The following MGRN1 variants were observed in gnomAD, a reference collection of about 807,000 sequenced individuals.
MGRN1 encodes the protein E3 ubiquitin-protein ligase MGRN1.
Under a neutral mutation model 69.2 loss-of-function variants are expected in MGRN1, and 29 were observed. The ratio of observed to expected loss-of-function variants is 0.42; its 90% CI spans 0.31 to 0.57. The LOEUF (loss-of-function observed/expected upper bound fraction) is 0.57. Ranked by LOEUF, MGRN1 falls within the 20% of genes least tolerant of loss-of-function variation. MGRN1 has a pLI of 0.15. For synonymous variants in MGRN1, 470 were observed against 344.2 expected (o/e 1.37, Z -4.04); for missense variants, 998 against 796.2 (o/e 1.25, Z -3.05).
chr16:4,668,118 C>T, intron 7 of MGRN1, 147 bp from the exon 8 acceptor site: 1 of 639,234 alleles, frequency 1.6e-6, no homozygotes, highest in East Asian at 2.8e-5. Context: ...GTCAAGTGGC[C>T]CCACCCTTTT....
intron 5 of MGRN1, among the ~76,000 whole-genome samples, chr16:4,661,197 T>G (rs369308737): frequency 5.9e-5 from 9 of 151,870 alleles, no homozygotes; most frequent in African/African-American, 2.2e-4. Flanking sequence ...TAGGCTGGTC[T>G]CAAACTCCCG....
intron 12 of MGRN1, 161 bp downstream of exon 12, chr16:4,680,258 G>A (rs1376119807): frequency 2.8e-6 from 2 of 708,282 alleles, no homozygotes; most frequent in East Asian, 6.0e-5. Context: ...GGAGTTTGTG[G>A]AACCGGAAAA....
chr16:4,629,150 A>ATGTGTGTGTGTGTGTGTGTGTG (rs377682804), intron 1 of MGRN1, among the ~76,000 whole-genome samples: 1 of 127,600 alleles, frequency 7.8e-6, no homozygotes, highest in Non-Finnish European at 1.7e-5. Flanking sequence ...TTCTGTTCGT[A>ATGTGTGTGTGTGTGTGTGTGTG]TGTGTGTGTG....
At chr16:4,672,477 G>T (rs2078960595) in intron 9 of MGRN1, 1 of 456,736 alleles carries the variant, frequency 2.2e-6, no homozygotes, top group Non-Finnish European at 4.4e-6. Flanking sequence ...CACGTGGCGG[G>T]AGCGGAGCAC....
intron 16 of MGRN1, chr16:4,687,015 C>CCGCTCCCT (rs1567245663): frequency 1.0e-6 from 1 of 985,564 alleles, no homozygotes; most frequent in African/African-American, 1.7e-5. Flanking sequence ...ACCTGCTCCC[C>CCGCTCCCT]CGCTCCCTCC....
chr16:4,653,028 G>A (rs2078444270), intron 4 of MGRN1, among the ~76,000 whole-genome samples: 1 of 152,212 alleles, frequency 6.6e-6, no homozygotes, highest in African/African-American at 2.4e-5. Context: ...TCCTTTGACT[G>A]GTTTCAGTTC....
At chr16:4,675,541 C>G (rs1481408459) in intron 10 of MGRN1, among the ~76,000 whole-genome samples, 1 of 152,118 alleles carries the variant, frequency 6.6e-6, no homozygotes, top group Non-Finnish European at 1.5e-5. Flanking sequence ...GAGTTCGAGA[C>G]TAGCCTGGGC....
intron 1 of MGRN1, chr16:4,640,085 A>T (rs759103283): frequency 6.6e-6 from 1 of 152,330 alleles, no homozygotes; most frequent in East Asian, 1.9e-4. Context: ...GGCTTGTTTC[A>T]GTGATTCGGA....
chr16:4,677,391 C>A, intron 10 of MGRN1, 72 bp from the exon 11 acceptor site: 3 of 1,260,768 alleles, frequency 2.4e-6, no homozygotes, highest in Non-Finnish European at 3.2e-6. Context: ...GTGTTGATCC[C>A]TGGGGCTGGG....
chr16:4,641,956 G>C (rs1390367449), intron 1 of MGRN1, among the ~76,000 whole-genome samples: 1 of 151,806 alleles, frequency 6.6e-6, no homozygotes, highest in African/African-American at 2.4e-5. Flanking sequence ...CGGCTGGCCT[G>C]GATTCTCTGT....
chr16:4,663,534 T>C (rs982069771), intron 5 of MGRN1, among the ~76,000 whole-genome samples: 3 of 152,192 alleles, frequency 2.0e-5, no homozygotes, highest in Non-Finnish European at 4.4e-5. Flanking sequence ...ATGATTCTTT[T>C]TCTTCCCAGA....
chr16:4,650,624 G>C (rs117890317), intron 2 of MGRN1, 141 bp downstream of exon 2: 18 of 662,728 alleles, frequency 2.7e-5, no homozygotes, highest in Non-Finnish European at 4.3e-5. Context: ...TTCCAGTTGA[G>C]CTTGGGTGTG....
rs1439527342 is a variant in MGRN1, at chr16:4,689,239, T to C, written c.*331T>C. On this transcript the variant is annotated 3_prime_UTR_variant, in exon 17 of 17. Transcript: ENST00000262370. ...GGCCTCCGCTGGCTCTGCCTGCTCC[T>C]GCAACAGTGCGGTCCCTGCCCGGAG... is the stretch of plus-strand genomic sequence containing the variant. 5 of 276,568 alleles carry C rather than the reference T, an allele frequency of 1.8e-5. No homozygotes were observed. The highest frequency in any genetic ancestry group is 6.5e-5 in the African/African-American group (3 of 45,908). 17.1% of individuals were successfully genotyped at this position (276,568 alleles called of 1,614,324 possible). A position where few individuals can be genotyped will look rare whatever the true frequency, so the allele number is the denominator to read the frequency against.
At chr16:4,626,818 C>T (rs966711279) in intron 1 of MGRN1, among the ~76,000 whole-genome samples, 1 of 152,340 alleles carries the variant, frequency 6.6e-6, no homozygotes, top group Non-Finnish European at 1.5e-5. Context: ...ACACTCGCGT[C>T]AGCCACTATT....
intron 10 of MGRN1, 69 bp downstream of exon 10, chr16:4,673,726 C>G: frequency 6.4e-7 from 1 of 1,566,224 alleles, no homozygotes. Flanking sequence ...CACGGTGGTC[C>G]TGGGATAGGG....
In MGRN1 at chr16:4,673,530, C is replaced by T. The variant is rs751862904; in HGVS notation, c.828C>T (p.Asn276=). ...ACGACGAGAACAGCGACAACAGCAACGAGTGTGTGGTGTGCCTGTCCGACC... is the reference window on the plus strand; with the variant it reads ...ACGACGAGAACAGCGACAACAGCAATGAGTGTGTGGTGTGCCTGTCCGACC... ...PSDDENSDNS[N]ECVVCLSDLR... Residue 276 remains asparagine, a synonymous_variant, in exon 10 of 17, where the codon AAC becomes AAT. Coordinates refer to ENST00000262370, the MANE Select transcript of MGRN1 (RefSeq NM_015246.4). 44 of 1,613,528 alleles carry T rather than the reference C, an allele frequency of 2.7e-5. No homozygotes were observed. The highest frequency in any genetic ancestry group is 1.6e-4 in the Middle Eastern group (1 of 6,084).
At chr16:4,686,376 C>T in intron 16 of MGRN1, 1 of 1,514,714 alleles carries the variant, frequency 6.6e-7, no homozygotes, top group Middle Eastern at 1.7e-4. Flanking sequence ...CCCCTGCTCT[C>T]TGGCGGGGGT....
At chr16:4,656,356 G>A (rs140647240) in intron 4 of MGRN1, among the ~76,000 whole-genome samples, 3,376 of 152,350 alleles carry the variant, frequency 0.022, 51 homozygotes, top group Non-Finnish European at 0.033. Context: ...GTGGTTCACA[G>A]GACACAGCCC....
rs1228484950 is a variant in MGRN1 at position 4,682,824 on chromosome 16, A to T, written c.1360A>T (p.Thr454Ser). ...GRPQSKAPDS[T>S]LRSPSSPIHE... ...GCCCACCCTCTCCTCTGTCCCCAGC[A>T]CCCTACGGTCCCCGTCTTCCCCCAT... Residue 454 changes from threonine (T) to serine (S), a missense_variant and splice_region_variant, in exon 14 of 17, where the codon ACC becomes TCC. Physicochemically the swap from Thr to Ser is moderately conservative, Grantham distance 58 (BLOSUM62 1). Transcript: ENST00000262370. The T allele has an allele frequency of 6.3e-7, 1 of 1,579,628 alleles. No homozygotes were observed. The highest frequency in any genetic ancestry group is 1.8e-5 in the Admixed American group (1 of 56,610).
Sources: gnomAD v4.1 joint callset for allele counts (sites outside exome capture counted in the v4.1 genomes callset) on GRCh38, gnomAD v4.1.1 for gene constraint, MANE v1.5 for transcripts, NCBI Gene and HGNC (gene_info 2026-07-23, HGNC 2026-07-21) for gene names.